The following TPD52 variants were observed in gnomAD, a reference collection of about 807,000 sequenced individuals.
The protein encoded by TPD52 is tumor protein D52, also known as prostate and colon associated protein.
A neutral mutation model predicts 31.3 loss-of-function variants in TPD52; 17 were observed. The ratio of observed to expected loss-of-function variants is 0.54; its 90% confidence interval spans 0.37 to 0.82. The LOEUF (loss-of-function observed/expected upper bound fraction) is 0.82, where lower values mean the gene tolerates loss of function less well. Ranked by LOEUF, TPD52 falls within the 40% of genes least tolerant of loss-of-function variation. The pLI, the probability that TPD52 is intolerant of heterozygous loss-of-function variation, is 0.00. For synonymous variants in TPD52, 83 were observed against 89.6 expected (o/e 0.93, Z 0.42); for missense variants, 212 against 240.1 (o/e 0.88, Z 0.77).
chr8:80,036,321 C>A lies in TPD52; in HGVS notation c.*1795G>T, dbSNP rs1187187659. On this transcript the variant is annotated 3_prime_UTR_variant, in exon 8 of 8. Coordinates refer to ENST00000518937, the MANE Select transcript of TPD52 (RefSeq NM_001025253.3). ...ATATGTTTGAATTTTAAGAAGTAGA[C>A]TAGTTCATAGAAAAAATAATTTAAC... 2.6e-5 allele frequency: 4 copies of A among 152,552 alleles called. No homozygotes were observed. The highest frequency in any genetic ancestry group is 9.7e-5 in the African/African-American group (4 of 41,412). The allele number at this position is 152,552 out of a possible 1,614,324, so 9.4% of individuals were successfully genotyped here.
intron 1 of TPD52, among the ~76,000 whole-genome samples, chr8:80,125,701 A>T (rs1462540809): frequency 6.6e-6 from 1 of 152,200 alleles, no homozygotes; most frequent in African/African-American, 2.4e-5. Context: ...CAATAGTGTC[A>T]ACATCACACC....
intron 1 of TPD52, among the ~76,000 whole-genome samples, chr8:80,096,522 T>A (rs992772985): frequency 4.6e-5 from 7 of 152,182 alleles, no homozygotes; most frequent in Admixed American, 1.3e-4. Flanking sequence ...CAACACTGTG[T>A]CCAGAAAGTC....
chr8:80,105,889 G>C (rs1044079427), intron 1 of TPD52, among the ~76,000 whole-genome samples: 2 of 151,936 alleles, frequency 1.3e-5, no homozygotes, highest in Admixed American at 1.3e-4. Context: ...TCACCACCAC[G>C]CCCAGCTAAC....
At chr8:80,034,430 T>C (rs549932943), downstream of TPD52, among the ~76,000 whole-genome samples, 289 of 152,278 alleles carry the variant, frequency 1.9e-3, no homozygotes, top group African/African-American at 6.7e-3. Context: ...CCCCCAGCCA[T>C]GCTTCCCTTG....
At chr8:80,170,697 G>A (rs976106076) in intron 1 of TPD52, among the ~76,000 whole-genome samples, 8 of 152,300 alleles carry the variant, frequency 5.3e-5, no homozygotes, top group Admixed American at 3.9e-4. Context: ...GAGATCTCTA[G>A]GATGAAACTA....
rs914968479 is a variant in TPD52 at position 80,034,791 on chromosome 8, A to G, written c.*3325T>C. On this transcript the variant is annotated 3_prime_UTR_variant, in exon 8 of 8. Coordinates refer to ENST00000518937, the MANE Select transcript of TPD52 (RefSeq NM_001025253.3). ...CTGTATTTGGCTTTTTCTATATGAT[A>G]GAAGAACCACAAAATTAATAAAATA... The G allele has an allele frequency of 6.6e-6, 1 of 152,214 alleles. No homozygotes were observed. Among genetic ancestry groups the G allele is most frequent in the Non-Finnish European group, 1.5e-5 (1 of 68,030 alleles). 9.4% of individuals were successfully genotyped at this position (152,214 alleles called of 1,614,324 possible).
intron 1 of TPD52, among the ~76,000 whole-genome samples, chr8:80,115,107 C>T (rs1012136990): frequency 6.6e-6 from 1 of 152,146 alleles, no homozygotes; most frequent in Non-Finnish European, 1.5e-5. Context: ...AAAATTTCTG[C>T]CACATGCACC....
chr8:80,102,444 T>C (rs948266306), intron 1 of TPD52, among the ~76,000 whole-genome samples: 1 of 152,224 alleles, frequency 6.6e-6, no homozygotes, highest in Admixed American at 6.5e-5. Context: ...ATATCATTTC[T>C]GCTATATTCT....
intron 1 of TPD52, among the ~76,000 whole-genome samples, chr8:80,122,092 C>T (rs1808301143): frequency 1.3e-5 from 2 of 150,014 alleles, no homozygotes; most frequent in South Asian, 4.2e-4. Context: ...AAGGTAAAAT[C>T]AAATTATTTA....
intron 1 of TPD52, among the ~76,000 whole-genome samples, chr8:80,072,964 T>G (rs1351565268): frequency 6.6e-6 from 1 of 151,366 alleles, no homozygotes; most frequent in South Asian, 2.1e-4. Context: ...ATTGGCCAGG[T>G]GTGGTGGCGC....
At chr8:80,040,021 G>A (rs2130359379) in intron 7 of TPD52, among the ~76,000 whole-genome samples, 1 of 151,926 alleles carries the variant, frequency 6.6e-6, no homozygotes, top group South Asian at 2.1e-4. Flanking sequence ...CTGATTGACT[G>A]GCACATGGCA....
intron 2 of TPD52, among the ~76,000 whole-genome samples, chr8:80,054,940 A>AAAGAATAAGGTTC (rs1811722721): frequency 6.6e-6 from 1 of 152,204 alleles, no homozygotes; most frequent in Non-Finnish European, 1.5e-5. Flanking sequence ...AAAAAAGAGG[A>AAAGAATAAGGTTC]AAGAATAAGG....
intron 1 of TPD52, among the ~76,000 whole-genome samples, chr8:80,129,491 C>T (rs934643725): frequency 6.6e-6 from 1 of 152,154 alleles, no homozygotes; most frequent in Non-Finnish European, 1.5e-5. Context: ...CGGATAGCAA[C>T]GTCAGCACTG....
At chr8:80,149,117 G>A (rs1022357336) in intron 1 of TPD52, among the ~76,000 whole-genome samples, 1 of 152,150 alleles carries the variant, frequency 6.6e-6, no homozygotes, top group African/African-American at 2.4e-5. Context: ...ATATAGTTTG[G>A]CTGTGTCCCC....
intron 1 of TPD52, among the ~76,000 whole-genome samples, chr8:80,149,358 A>ACCATGATTGTGAGGCCTCCCC (rs1810420498): frequency 6.6e-6 from 1 of 152,170 alleles, no homozygotes; most frequent in Non-Finnish European, 1.5e-5. Context: ...TTCGCCTTCC[A>ACCATGATTGTGAGGCCTCCCC]CCATGATTGT....
At chr8:80,161,730 A>AT (rs1352866479) in intron 1 of TPD52, among the ~76,000 whole-genome samples, 102 of 56,220 alleles carry the variant, frequency 1.8e-3, no homozygotes, top group African/African-American at 3.7e-3. Flanking sequence ...ATATATATAT[A>AT]TATTTTTTTT....
rs549263731 is a variant in TPD52, at chr8:80,087,829, AACACCCC to A, written c.20-23243_20-23237del. Among the ~76,000 whole-genome samples, 499 of 152,270 alleles carry A rather than the reference AACACCCC, an allele frequency of 3.3e-3. 3 individuals are homozygous for A. The highest frequency in any genetic ancestry group is 0.011 in the African/African-American group (472 of 41,556). ...GGGCAGAGAGGCTGAGAGGTTAATGAACACCCCACACCCCACACCTCTTCATTCCCCG... is the reference window on the plus strand; with the variant it reads ...GGGCAGAGAGGCTGAGAGGTTAATGAACACCCCACACCTCTTCATTCCCCG... On this transcript the variant is annotated intron_variant, in intron 1 of 7. Transcript: ENST00000518937.
chr8:80,089,558 A>G (rs967073878), intron 1 of TPD52, among the ~76,000 whole-genome samples: 1 of 152,186 alleles, frequency 6.6e-6, no homozygotes, highest in African/African-American at 2.4e-5. Context: ...TCAAAAAAAA[A>G]TTTGAAGAGA....
At chr8:80,138,581 T>G (rs926534596) in intron 1 of TPD52, among the ~76,000 whole-genome samples, 6 of 152,068 alleles carry the variant, frequency 3.9e-5, no homozygotes, top group Non-Finnish European at 7.4e-5. Flanking sequence ...AAAAAGAATA[T>G]GCAAATAAAA....
Sources: gnomAD v4.1 joint callset for allele counts (sites outside exome capture counted in the v4.1 genomes callset) on GRCh38, gnomAD v4.1.1 for gene constraint, MANE v1.5 for transcripts, NCBI Gene and HGNC (gene_info 2026-07-23, HGNC 2026-07-21) for gene names.